LRRC4C: variants seen among roughly 807,000 people sequenced by gnomAD.
The protein encoded by LRRC4C is leucine-rich repeat-containing protein 4C.
LRRC4C carries 5 observed loss-of-function variants against 33.6 expected under a neutral mutation model. The ratio of observed to expected loss-of-function variants is 0.15; its 90% CI spans 0.08 to 0.31. The LOEUF (loss-of-function observed/expected upper bound fraction) is 0.31. LRRC4C is among the 10% of genes least tolerant of loss of function. The pLI, the probability that LRRC4C is intolerant of heterozygous loss-of-function variation, is 1.00. For synonymous variants in LRRC4C, 329 were observed against 302.0 expected (o/e 1.09, Z -0.93); for missense variants, 560 against 796.7 (o/e 0.70, Z 3.58).
chr11:40,810,869 C>G (rs1036968677), intron 2 of LRRC4C, among the ~76,000 whole-genome samples: 2 of 152,186 alleles, frequency 1.3e-5, no homozygotes, highest in Non-Finnish European at 2.9e-5. Context: ...TAACCCTTTA[C>G]AGTCCAGAAT....
At chr11:40,130,804 A>G (rs1432392162) in intron 6 of LRRC4C, among the ~76,000 whole-genome samples, 1 of 152,064 alleles carries the variant, frequency 6.6e-6, no homozygotes, top group Non-Finnish European at 1.5e-5. Context: ...TTCCGACTCT[A>G]AAAATACTCC....
In LRRC4C at chr11:40,300,729, T is replaced by C. The variant is rs544193813; in HGVS notation, c.-176+18899A>G. On this transcript the variant is annotated intron_variant, in intron 4 of 6. Coordinates refer to ENST00000528697, the MANE Select transcript of LRRC4C (RefSeq NM_001258419.2). ...ACAATCCTAATACAATGCCTACACA[T>C]CACTTCATTCTTCAGGATTCAATGT... is the stretch of plus-strand genomic sequence containing the variant. Among the ~76,000 whole-genome samples, 4 of 152,332 alleles carry C rather than the reference T, an allele frequency of 2.6e-5. No individual in the cohort carries two copies. The South Asian group carries it at 8.3e-4, about 32-fold the overall frequency.
chr11:41,287,915 C>T (rs1164599522), intron 1 of LRRC4C, among the ~76,000 whole-genome samples: 2 of 152,076 alleles, frequency 1.3e-5, no homozygotes, highest in Non-Finnish European at 2.9e-5. Flanking sequence ...AAATTATAAA[C>T]ACCTTGAGCT....
intron 1 of LRRC4C, among the ~76,000 whole-genome samples, chr11:41,068,159 G>A (rs531426035): frequency 2.4e-4 from 36 of 152,256 alleles, no homozygotes; most frequent in East Asian, 7.7e-4. Context: ...TTGGGAGGCC[G>A]AGGCAGGCAG....
At chr11:40,536,549 G>T (rs1407961410) in intron 3 of LRRC4C, among the ~76,000 whole-genome samples, 3 of 152,284 alleles carry the variant, frequency 2.0e-5, no homozygotes, top group South Asian at 4.1e-4. Context: ...ACAAATCTGA[G>T]AACGTCTATC....
chr11:40,387,214 T>C, intron 3 of LRRC4C, among the ~76,000 whole-genome samples: 1 of 152,190 alleles, frequency 6.6e-6, no homozygotes, highest in Admixed American at 6.6e-5. Flanking sequence ...ATATAATGCA[T>C]TTAGAATACA....
At chr11:40,806,308 C>T (rs1449711245) in intron 2 of LRRC4C, among the ~76,000 whole-genome samples, 1 of 152,208 alleles carries the variant, frequency 6.6e-6, no homozygotes, top group East Asian at 1.9e-4. Context: ...TTTTCCTTCT[C>T]TTCATGTCTG....
intron 5 of LRRC4C, among the ~76,000 whole-genome samples, chr11:40,190,936 G>A (rs886245449): frequency 6.6e-5 from 10 of 152,188 alleles, no homozygotes; most frequent in African/African-American, 2.4e-4. Context: ...GGGAGCTTGG[G>A]ATATTTGCAG....
At chr11:41,442,973 A>C (rs1413474537) in intron 1 of LRRC4C, among the ~76,000 whole-genome samples, 1 of 152,016 alleles carries the variant, frequency 6.6e-6, no homozygotes, top group African/African-American at 2.4e-5. Context: ...GAAAAAGCTG[A>C]TTTCAGAAAG....
intron 5 of LRRC4C, among the ~76,000 whole-genome samples, chr11:40,193,421 G>C (rs541400611): frequency 2.0e-5 from 3 of 152,124 alleles, no homozygotes; most frequent in Non-Finnish European, 4.4e-5. Flanking sequence ...TCAACAAAAA[G>C]GATGACCATG....
At chr11:40,986,299 C>A (rs1022390346) in intron 1 of LRRC4C, among the ~76,000 whole-genome samples, 4 of 152,030 alleles carry the variant, frequency 2.6e-5, no homozygotes, top group Non-Finnish European at 4.4e-5. Flanking sequence ...AAATCAAATA[C>A]AGAAAGGATT....
chr11:40,618,452 A>G (rs931056586), intron 3 of LRRC4C, among the ~76,000 whole-genome samples: 1 of 12,350 alleles, frequency 8.1e-5, no homozygotes, highest in Non-Finnish European at 9.4e-3. Flanking sequence ...TAGACTCCAG[A>G]TCTTGAAATA....
intron 3 of LRRC4C, among the ~76,000 whole-genome samples, chr11:40,598,043 A>C (rs1260257377): frequency 6.6e-6 from 1 of 152,312 alleles, no homozygotes; most frequent in African/African-American, 2.4e-5. Context: ...TTTGTCACTC[A>C]TAGGTGCTTT....
At chr11:40,634,023 CA>C (rs1176378099) in intron 3 of LRRC4C, among the ~76,000 whole-genome samples, 3 of 152,100 alleles carry the variant, frequency 2.0e-5, no homozygotes, top group African/African-American at 7.2e-5. Flanking sequence ...AAATAGTGGG[CA>C]GGGTATATTG....
chr11:41,030,829 C>T (rs1329920864), intron 1 of LRRC4C, among the ~76,000 whole-genome samples: 2 of 151,732 alleles, frequency 1.3e-5, no homozygotes, highest in Admixed American at 6.6e-5. Flanking sequence ...TATATATACA[C>T]ATACATATAT....
chr11:40,355,389 A>G (rs549079194), intron 3 of LRRC4C, among the ~76,000 whole-genome samples: 1 of 152,216 alleles, frequency 6.6e-6, no homozygotes, highest in East Asian at 1.9e-4. Flanking sequence ...CAGCACCAGG[A>G]CTTGCCCAGG....
intron 2 of LRRC4C, among the ~76,000 whole-genome samples, chr11:40,858,392 A>G (rs770025347): frequency 6.6e-6 from 1 of 152,134 alleles, no homozygotes; most frequent in Non-Finnish European, 1.5e-5. Context: ...CCTAAGATCA[A>G]TAGTATTTTA....
intron 1 of LRRC4C, among the ~76,000 whole-genome samples, chr11:41,237,646 A>G (rs1948079300): frequency 6.6e-6 from 1 of 152,184 alleles, no homozygotes; most frequent in Admixed American, 6.5e-5. Flanking sequence ...TGCAAGAAAC[A>G]AAAGCACCAT....
chr11:40,177,157 G>A (rs1026473117), intron 5 of LRRC4C, among the ~76,000 whole-genome samples: 2 of 151,854 alleles, frequency 1.3e-5, no homozygotes, highest in Admixed American at 1.3e-4. Flanking sequence ...GTTTCATTGT[G>A]TTAGCCAGGA....
Sources: allele counts gnomAD v4.1 joint callset (sites outside exome capture counted in the v4.1 genomes callset), GRCh38; gene constraint gnomAD v4.1.1; transcripts MANE v1.5; gene names NCBI Gene and HGNC (gene_info 2026-07-23, HGNC 2026-07-21).